TFCP2L1: variants seen among roughly 807,000 people sequenced by gnomAD.
TFCP2L1 encodes transcription factor CP2 like 1.
A neutral mutation model predicts 72.2 loss-of-function variants in TFCP2L1; 12 were observed. That is an observed-to-expected ratio of 0.17 (90% CI 0.11 to 0.27). TFCP2L1 has a LOEUF of 0.27. Among genes scored for constraint, TFCP2L1 ranks in the 10% least tolerant of loss-of-function variants. TFCP2L1 has a pLI of 1.00. For missense variants in TFCP2L1, 488 were observed against 624.6 expected (o/e 0.78, Z 2.33); for synonymous variants, 260 against 251.0 (o/e 1.04, Z -0.34).
chr2:121,228,914 A>AT (rs201487646), intron 13 of TFCP2L1, among the ~76,000 whole-genome samples: 23 of 151,026 alleles, frequency 1.5e-4, no homozygotes, highest in Admixed American at 2.7e-4. Flanking sequence ...GCATGTTTTA[A>AT]TTTTTTTTTA....
chr2:121,238,396 G>T (rs984660703), intron 8 of TFCP2L1, among the ~76,000 whole-genome samples: 1 of 152,196 alleles, frequency 6.6e-6, no homozygotes, highest in South Asian at 2.1e-4. Flanking sequence ...TCTCCCGAGA[G>T]GGGGTGCACA....
chr2:121,240,145 T>C, intron 7 of TFCP2L1: 2 of 985,200 alleles, frequency 2.0e-6, no homozygotes, highest in African/African-American at 1.7e-5. Context: ...GCGGAGGCTC[T>C]TGCACAATCA....
intron 6 of TFCP2L1, among the ~76,000 whole-genome samples, chr2:121,243,587 G>A (rs1296813722): frequency 6.6e-6 from 1 of 152,154 alleles, no homozygotes; most frequent in Non-Finnish European, 1.5e-5. Context: ...TACCGTCTAA[G>A]CTCTGCCTCC....
chr2:121,246,854 G>A lies in TFCP2L1; in HGVS notation c.621C>T (p.His207=), dbSNP rs1288116533. Residue 207 remains histidine, a synonymous_variant, in exon 6 of 15, where the codon CAC becomes CAT. Coordinates refer to ENST00000263707, the MANE Select transcript of TFCP2L1 (RefSeq NM_014553.3). ...TGATCTGGCAGCTGGCTGAGTGCAGGTGCTCCGTGTACTCCCCATTCTCGT... is the reference window on the plus strand; with the variant it reads ...TGATCTGGCAGCTGGCTGAGTGCAGATGCTCCGTGTACTCCCCATTCTCGT... ...KQNENGEYTE[H]LHSASCQIKV... is the part of the protein sequence containing the mutation. 4 of 1,614,182 alleles carry A rather than the reference G, an allele frequency of 2.5e-6. No homozygotes were observed. The Admixed American group carries it at 5.0e-5, about 20-fold the overall frequency.
At chr2:121,280,540 T>G (rs545978438) in intron 2 of TFCP2L1, among the ~76,000 whole-genome samples, 1 of 152,084 alleles carries the variant, frequency 6.6e-6, no homozygotes, top group Non-Finnish European at 1.5e-5. Flanking sequence ...GGTGGATCAC[T>G]TGAGCCCAGG....
chr2:121,250,752 G>A (rs1163730920), intron 2 of TFCP2L1, among the ~76,000 whole-genome samples: 5 of 151,080 alleles, frequency 3.3e-5, no homozygotes, highest in African/African-American at 4.9e-5. Context: ...GATTACAGGC[G>A]CCTGCCACCA....
intron 14 of TFCP2L1, among the ~76,000 whole-genome samples, chr2:121,224,669 T>C (rs1685987306): frequency 6.6e-6 from 1 of 152,198 alleles, no homozygotes; most frequent in Non-Finnish European, 1.5e-5. Context: ...AGGGATATTA[T>C]GGCCCCCAAG....
At chr2:121,282,605 A>G (rs986945686) in intron 1 of TFCP2L1, among the ~76,000 whole-genome samples, 2 of 152,166 alleles carry the variant, frequency 1.3e-5, no homozygotes, top group Non-Finnish European at 2.9e-5. Flanking sequence ...CCTTGAGAAC[A>G]TGAATGACCT....
At chr2:121,249,516 A>G in intron 3 of TFCP2L1, 55 bp downstream of exon 3, 2 of 1,578,970 alleles carry the variant, frequency 1.3e-6, no homozygotes, top group Non-Finnish European at 1.7e-6. Flanking sequence ...CCAGGTGCCC[A>G]GACCCTAATC....
At chr2:121,239,670 C>T (rs950973567) in intron 7 of TFCP2L1, 21 bp from the exon 8 acceptor site, 39 of 1,608,838 alleles carry the variant, frequency 2.4e-5, no homozygotes, top group African/African-American at 6.7e-5. Flanking sequence ...GAGCACAGGG[C>T]GAGCTGGGAT....
chr2:121,221,902 A>C lies in TFCP2L1; in HGVS notation c.*2439T>G, dbSNP rs1218347990. The C allele has an allele frequency of 6.6e-6, 1 of 152,132 alleles. No individual in the cohort carries two copies. Among genetic ancestry groups the C allele is most frequent in the Admixed American group, 6.5e-5 (1 of 15,274 alleles). 9.4% of individuals were successfully genotyped at this position (152,132 alleles called of 1,614,324 possible). On this transcript the variant is annotated 3_prime_UTR_variant, in exon 15 of 15. Coordinates refer to ENST00000263707, the MANE Select transcript of TFCP2L1 (RefSeq NM_014553.3). Reference sequence around the variant, plus strand: ...AATATACAAATAGCTCACCCAACTCAATAATAAAAAGAAGGCTCATCCCTG... The same window carrying C: ...AATATACAAATAGCTCACCCAACTCCATAATAAAAAGAAGGCTCATCCCTG...
In TFCP2L1 at chr2:121,239,563, G is replaced by C. The variant is rs367686992; in HGVS notation, c.855C>G (p.Gly285=). 10 of 1,613,988 alleles carry C rather than the reference G, an allele frequency of 6.2e-6. No homozygotes were observed. Among genetic ancestry groups the C allele is most frequent in the Non-Finnish European group, 8.5e-6 (10 of 1,180,008 alleles). Residue 285 remains glycine, a synonymous_variant, in exon 8 of 15, where the codon GGC becomes GGG. Coordinates refer to ENST00000263707, the MANE Select transcript of TFCP2L1 (RefSeq NM_014553.3). ...GAAAGAGAGGTGGGACGTACCCTTC[G>C]CCGAGGCCAAAGCTGTTTGGAGAAC... is the stretch of plus-strand genomic sequence containing the variant. ...YNGSPNSFGL[G]EGNASPTHPV... is the part of the protein sequence containing the mutation.
intron 2 of TFCP2L1, among the ~76,000 whole-genome samples, chr2:121,252,188 A>G (rs1686626637): frequency 6.6e-6 from 1 of 152,176 alleles, no homozygotes; most frequent in South Asian, 2.1e-4. Context: ...AGCTAAGACT[A>G]CAGGCACACG....
chr2:121,254,974 AGGATCACCT>A (rs1205815263), intron 2 of TFCP2L1, among the ~76,000 whole-genome samples: 2 of 152,188 alleles, frequency 1.3e-5, no homozygotes, highest in Non-Finnish European at 2.9e-5. Context: ...ACTAGCAGTT[AGGATCACCT>A]GCCCTCCTGG....
At chr2:121,249,313 T>C (rs1459451632) in intron 3 of TFCP2L1, among the ~76,000 whole-genome samples, 1 of 152,158 alleles carries the variant, frequency 6.6e-6, no homozygotes, top group African/African-American at 2.4e-5. Context: ...ACTAAGTGCT[T>C]TACGTTATTA....
At chr2:121,245,846 C>T (rs1030468247) in intron 6 of TFCP2L1, among the ~76,000 whole-genome samples, 8 of 152,152 alleles carry the variant, frequency 5.3e-5, no homozygotes, top group East Asian at 1.9e-4. Flanking sequence ...TCCACAGGCC[C>T]GTGCCTTCGG....
At chr2:121,251,782 T>C (rs1686619905) in intron 2 of TFCP2L1, among the ~76,000 whole-genome samples, 1 of 152,232 alleles carries the variant, frequency 6.6e-6, no homozygotes. Flanking sequence ...ATGTTGCACA[T>C]GATAAATACA....
At chr2:121,227,936 C>T (rs1361059169) in intron 13 of TFCP2L1, among the ~76,000 whole-genome samples, 1 of 152,250 alleles carries the variant, frequency 6.6e-6, no homozygotes, top group Non-Finnish European at 1.5e-5. Context: ...CCATCTAGCA[C>T]TCTTGGCAGC....
rs1282105428 is a variant in TFCP2L1, at chr2:121,242,266, C to T, written c.768+93G>A. 2.6e-5 allele frequency: 29 copies of T among 1,117,850 alleles called. No homozygotes were observed. The East Asian group carries it at 6.8e-4, about 26-fold the overall frequency. 69.2% of individuals were successfully genotyped at this position (1,117,850 alleles called of 1,614,324 possible). A position where few individuals can be genotyped will look rare whatever the true frequency, so the allele number is the denominator to read the frequency against. On this transcript the variant is annotated intron_variant, in intron 7 of 14. Coordinates refer to ENST00000263707, the MANE Select transcript of TFCP2L1 (RefSeq NM_014553.3). ...AATAAGCACTCTCAGAAGTAGTCAC[C>T]CGAGATGGGCGATTTTCCAAGAATC...
Sources: gnomAD v4.1 joint callset for allele counts (sites outside exome capture counted in the v4.1 genomes callset) on GRCh38, gnomAD v4.1.1 for gene constraint, MANE v1.5 for transcripts, NCBI Gene and HGNC (gene_info 2026-07-23, HGNC 2026-07-21) for gene names.